TRPA1: variants seen among roughly 807,000 people sequenced by gnomAD.
TRPA1 encodes the protein ankyrin-like with transmembrane domains 1.
Under a neutral mutation model 131.3 loss-of-function variants are expected in TRPA1, and 129 were observed. That is an observed-to-expected ratio of 0.98 (90% CI 0.85 to 1.14). The LOEUF is 1.14. Among genes scored for constraint, TRPA1 ranks in the 50% most tolerant of loss-of-function variants. TRPA1 has a pLI of 0.00. For missense variants in TRPA1, 1,304 were observed against 1,354.2 expected (o/e 0.96, Z 0.58); for synonymous variants, 441 against 451.7 (o/e 0.98, Z 0.30).
At position 72,022,780 on chromosome 8, in the gene TRPA1, C is replaced by T; in HGVS notation, c.*126G>A. 3 of 877,704 alleles carry T rather than the reference C, an allele frequency of 3.4e-6. No individual in the cohort carries two copies. The highest frequency in any genetic ancestry group is 2.0e-5 in the Admixed American group (1 of 50,856). The allele number at this position is 877,704 out of a possible 1,614,324, so 54.4% of individuals were successfully genotyped here. The stretch of plus-strand genomic sequence containing the variant: ...AGATGGTTTACTTTTATACAGCATG[C>T]AGGAACCATGATTTCACACGCAGCA... On this transcript the variant is annotated 3_prime_UTR_variant, in exon 27 of 27. Transcript: ENST00000262209.
chr8:72,080,827 A>G, the TRPA1 span, among the ~76,000 whole-genome samples: 2 of 151,928 alleles, frequency 1.3e-5, no homozygotes, highest in East Asian at 3.9e-4. Context: ...GTTTGTTGGC[A>G]CAAAGTTGTT....
intron 21 of TRPA1, among the ~76,000 whole-genome samples, chr8:72,035,023 C>A (rs1159892604): frequency 6.6e-6 from 1 of 152,116 alleles, no homozygotes; most frequent in Non-Finnish European, 1.5e-5. Flanking sequence ...CTGGAAGTCA[C>A]CTAATGCAGG....
In TRPA1 at chr8:72,075,549, A is replaced by G; in HGVS notation, c.-140T>C. The G allele has an allele frequency of 1.4e-6, 1 of 722,574 alleles. No homozygotes were observed. Among genetic ancestry groups the G allele is most frequent in the Non-Finnish European group, 2.4e-6 (1 of 413,694 alleles). 44.8% of individuals were successfully genotyped at this position (722,574 alleles called of 1,614,324 possible). A position where few individuals can be genotyped will look rare whatever the true frequency, so the allele number is the denominator to read the frequency against. On this transcript the variant is annotated 5_prime_UTR_variant, in exon 1 of 27. Transcript: ENST00000262209. ...CCGCGCTGCAGCTCACAGGCAGCGAAAAAGTCGCTCTGCGGAAGCCCTGGA... is the reference window on the plus strand; with the variant it reads ...CCGCGCTGCAGCTCACAGGCAGCGAGAAAGTCGCTCTGCGGAAGCCCTGGA...
At chr8:72,081,556 A>G in the TRPA1 span, among the ~76,000 whole-genome samples, 1 of 151,686 alleles carries the variant, frequency 6.6e-6, no homozygotes, top group Non-Finnish European at 1.5e-5. Context: ...ATTCTTAGTG[A>G]TTTTCTATTT....
chr8:72,047,122 A>G (rs1051701998), intron 16 of TRPA1, 26 bp downstream of exon 16: 14 of 1,524,222 alleles, frequency 9.2e-6, no homozygotes, highest in Admixed American at 1.7e-5. Context: ...AATAAATTTC[A>G]GATAATGATG....
At chr8:72,058,396 T>C (rs1805726015) in intron 8 of TRPA1, among the ~76,000 whole-genome samples, 1 of 152,170 alleles carries the variant, frequency 6.6e-6, no homozygotes, top group Admixed American at 6.5e-5. Context: ...ATGTTAACCA[T>C]TACATATTAT....
At chr8:72,075,217 C>T (rs747655856) in intron 1 of TRPA1, 82 bp downstream of exon 1, 136 of 1,113,920 alleles carry the variant, frequency 1.2e-4, no homozygotes, top group Admixed American at 2.0e-4. Context: ...TTCTCCAAAC[C>T]AAGGGCTGCC....
At chr8:72,038,350 T>C (rs1812131817) in intron 19 of TRPA1, among the ~76,000 whole-genome samples, 1 of 152,034 alleles carries the variant, frequency 6.6e-6, no homozygotes, top group African/African-American at 2.4e-5. Context: ...TATAAAATTA[T>C]TTATTGTGGC....
chr8:72,063,008 T>A, intron 5 of TRPA1, 64 bp from the exon 6 acceptor site: 2 of 1,459,020 alleles, frequency 1.4e-6, no homozygotes, highest in Non-Finnish European at 1.9e-6. Flanking sequence ...AGGTTTTTTG[T>A]TAAAAAATAT....
chr8:72,034,205 T>G lies in TRPA1; in HGVS notation c.2685+43A>C, dbSNP rs767168440. On this transcript the variant is annotated intron_variant, in intron 22 of 26. Transcript: ENST00000262209. The stretch of plus-strand genomic sequence containing the variant: ...ATTTAAATATAAATATATATTTCCA[T>G]AATTCACAGCGACAAAATCAACTAC... 3 of 1,559,810 alleles carry G rather than the reference T, an allele frequency of 1.9e-6. No individual in the cohort carries two copies. The Admixed American group carries it at 5.3e-5, about 27-fold the overall frequency.
intron 3 of TRPA1, among the ~76,000 whole-genome samples, chr8:72,067,254 AG>A (rs1397854072): frequency 1.3e-5 from 2 of 152,174 alleles, no homozygotes; most frequent in African/African-American, 4.8e-5. Flanking sequence ...CACGTAGAAA[AG>A]ATTGCTGTTT....
At chr8:72,085,441 T>C in the TRPA1 span, among the ~76,000 whole-genome samples, 1 of 152,060 alleles carries the variant, frequency 6.6e-6, no homozygotes, top group East Asian at 1.9e-4. Context: ...ATGTTTTTAA[T>C]ACAGAAATGT....
At chr8:72,065,315 A>G in intron 4 of TRPA1, 136 bp downstream of exon 4, 1 of 772,964 alleles carries the variant, frequency 1.3e-6, no homozygotes, top group Non-Finnish European at 2.1e-6. Flanking sequence ...ACATAGAAAA[A>G]CTTTTTTCCT....
Position 72,048,421 on chromosome 8 carries a change from A to G in TRPA1, c.1906-1214T>C, listed in dbSNP as rs527682237. ...AGGGCCATGGCTGGTCTCAGGTACC[A>G]AAGGGACTAAGAAAATTACAAGGAA... On this transcript the variant is annotated intron_variant, in intron 15 of 26. Transcript: ENST00000262209. Among the ~76,000 whole-genome samples, 20 of 152,250 alleles carry G rather than the reference A, an allele frequency of 1.3e-4. No individual in the cohort carries two copies. In the South Asian group the frequency reaches 2.9e-3, roughly 22 times the overall value.
intron 2 of TRPA1, among the ~76,000 whole-genome samples, chr8:72,070,267 T>C (rs1158842417): frequency 1.3e-5 from 2 of 152,178 alleles, no homozygotes; most frequent in South Asian, 2.1e-4. Flanking sequence ...TTCTCTCCTT[T>C]TTAAAATGTG....
chr8:72,022,793 T>G lies in TRPA1; in HGVS notation c.*113A>C, dbSNP rs1460591745. The G allele has an allele frequency of 6.0e-6, 6 of 997,030 alleles. No individual in the cohort carries two copies. Among genetic ancestry groups the G allele is most frequent in the Non-Finnish European group, 9.3e-6 (6 of 644,690 alleles). The allele number at this position is 997,030 out of a possible 1,614,324, so 61.8% of individuals were successfully genotyped here. ...TTATACAGCATGCAGGAACCATGAT[T>G]TCACACGCAGCAAAATGAATCATTC... On this transcript the variant is annotated 3_prime_UTR_variant, in exon 27 of 27. Transcript: ENST00000262209.
chr8:72,022,333 C>G lies in TRPA1; in HGVS notation c.*573G>C, dbSNP rs992532268. 11 of 169,378 alleles carry G rather than the reference C, an allele frequency of 6.5e-5. No homozygotes were observed. The highest frequency in any genetic ancestry group is 2.6e-4 in the African/African-American group (11 of 41,564). 10.5% of individuals were successfully genotyped at this position (169,378 alleles called of 1,614,324 possible). A position where few individuals can be genotyped will look rare whatever the true frequency, so the allele number is the denominator to read the frequency against. On this transcript the variant is annotated 3_prime_UTR_variant, in exon 27 of 27. Transcript: ENST00000262209. ...TCAACTATATGGCTCAAAGTGACATCAGGTGTGTTGGGGACAGCAAGAAGG... is the reference window on the plus strand; with the variant it reads ...TCAACTATATGGCTCAAAGTGACATGAGGTGTGTTGGGGACAGCAAGAAGG...
the TRPA1 span, among the ~76,000 whole-genome samples, chr8:72,089,772 A>G: frequency 1.3e-5 from 2 of 152,138 alleles, no homozygotes; most frequent in Non-Finnish European, 2.9e-5. Context: ...AACATTAAGT[A>G]TAAAATGAGA....
chr8:72,026,044 C>T lies in TRPA1; in HGVS notation c.2967G>A (p.Lys989=), dbSNP rs1160452187. ...QVELHTSLEK[K]LPLWFLRKVD... ...CTTTGCGTAGAAACCAAAGTGGCAG[C>T]TTCTTCTCTAAGCTGGTATGAAGTT... Residue 989 remains lysine (K), a synonymous_variant, in exon 25 of 27, where the codon AAG becomes AAA. Transcript: ENST00000262209. 3 of 1,613,964 alleles carry T rather than the reference C, an allele frequency of 1.9e-6. No homozygotes were observed.
Sources: allele counts gnomAD v4.1 joint callset (sites outside exome capture counted in the v4.1 genomes callset), GRCh38; gene constraint gnomAD v4.1.1; transcripts MANE v1.5; gene names NCBI Gene and HGNC (gene_info 2026-07-23, HGNC 2026-07-21).